Variants in NMNAT2 observed in about 807,000 individuals in gnomAD.
NMNAT2 encodes the protein nicotinamide nucleotide adenylyltransferase 2, also known as nicotinamide/nicotinic acid mononucleotide adenylyltransferase 2.
In NMNAT2, 11 loss-of-function variants were observed where a neutral mutation model predicts 41.6. The ratio of observed to expected loss-of-function variants is 0.26; its 90% CI spans 0.17 to 0.44. The LOEUF is 0.44. Ranked by LOEUF, NMNAT2 falls within the 20% of genes least tolerant of loss-of-function variation. The pLI, the probability that NMNAT2 is intolerant of heterozygous loss-of-function variation, is 1.00. For missense variants in NMNAT2, 288 were observed against 407.7 expected (o/e 0.71, Z 2.53); for synonymous variants, 148 against 151.2 (o/e 0.98, Z 0.16).
chr1:183,285,761 C>T (rs1479384160), intron 5 of NMNAT2, among the ~76,000 whole-genome samples: 1 of 152,138 alleles, frequency 6.6e-6, no homozygotes, highest in African/African-American at 2.4e-5. Flanking sequence ...TTCTCTGAAT[C>T]TGTATTCTAT....
intron 1 of NMNAT2, among the ~76,000 whole-genome samples, chr1:183,397,688 C>T (rs1407244093): frequency 4.6e-5 from 7 of 152,166 alleles, no homozygotes; most frequent in Non-Finnish European, 1.0e-4. Flanking sequence ...CAAAGGGAAG[C>T]CTATCAGACT....
chr1:183,355,427 G>A (rs757761658), intron 1 of NMNAT2, among the ~76,000 whole-genome samples: 4 of 152,212 alleles, frequency 2.6e-5, no homozygotes, highest in Non-Finnish European at 4.4e-5. Flanking sequence ...ATCAGAGACC[G>A]AGGGTGGGAC....
At chr1:183,416,771 C>T (rs1209379901) in intron 1 of NMNAT2, among the ~76,000 whole-genome samples, 2 of 152,176 alleles carry the variant, frequency 1.3e-5, no homozygotes, top group Non-Finnish European at 2.9e-5. Flanking sequence ...TTCAGCGCAC[C>T]TTTTAAGTTT....
chr1:183,373,721 G>T (rs1022815827), intron 1 of NMNAT2, among the ~76,000 whole-genome samples: 3 of 151,620 alleles, frequency 2.0e-5, no homozygotes, highest in African/African-American at 7.3e-5. Context: ...GGGTTCAAGT[G>T]ATTCTCCTCT....
chr1:183,399,606 A>T (rs1412351009), intron 1 of NMNAT2, among the ~76,000 whole-genome samples: 1 of 151,844 alleles, frequency 6.6e-6, no homozygotes, highest in Non-Finnish European at 1.5e-5. Flanking sequence ...GAGACACAAT[A>T]AAAAAAAGAG....
chr1:183,379,276 G>T lies in NMNAT2; in HGVS notation c.85+38907C>A, dbSNP rs10911322. Among the ~76,000 whole-genome samples the T allele has an allele frequency of 1.1e-4, 16 of 152,078 alleles. No individual in the cohort carries two copies. The East Asian group carries it at 2.9e-3, about 28-fold the overall frequency. The stretch of plus-strand genomic sequence containing the variant: ...GCTTATTGCAGCCTCAACCTCCTGG[G>T]CTAAAGCAATCCTCCTGCCTGAGCC... On this transcript the variant is annotated intron_variant, in intron 1 of 10. Coordinates refer to ENST00000287713, the MANE Select transcript of NMNAT2 (RefSeq NM_015039.4).
At chr1:183,269,874 A>G (rs1055750835) in intron 8 of NMNAT2, among the ~76,000 whole-genome samples, 19 of 152,066 alleles carry the variant, frequency 1.2e-4, no homozygotes, top group Admixed American at 7.2e-4. Flanking sequence ...CTCATATTGT[A>G]GTGACTTGAA....
chr1:183,302,277 A>C (rs1334549702), intron 1 of NMNAT2, among the ~76,000 whole-genome samples: 3 of 152,188 alleles, frequency 2.0e-5, no homozygotes, highest in Non-Finnish European at 4.4e-5. Context: ...GATGCGGGCC[A>C]CAGCATATAC....
intron 6 of NMNAT2, 86 bp from the exon 7 acceptor site, chr1:183,284,125 A>C: frequency 2.7e-6 from 2 of 728,124 alleles, no homozygotes; most frequent in Non-Finnish European, 2.2e-6. Context: ...CTCAGCAGGA[A>C]TTATTGGGAT....
chr1:183,302,913 G>A (rs6673931), intron 1 of NMNAT2, among the ~76,000 whole-genome samples: 4,800 of 152,166 alleles, frequency 0.032, 182 homozygotes, highest in African/African-American at 0.087. Context: ...GGCCCCCTAT[G>A]ACTCAGTGTG....
chr1:183,263,546 C>T (rs907953370), intron 8 of NMNAT2, among the ~76,000 whole-genome samples: 1 of 152,200 alleles, frequency 6.6e-6, no homozygotes, highest in Non-Finnish European at 1.5e-5. Flanking sequence ...GGGCCAGGCG[C>T]AGTGGCTCAC....
At chr1:183,256,039 C>G (rs193058278) in intron 10 of NMNAT2, among the ~76,000 whole-genome samples, 54 of 151,830 alleles carry the variant, frequency 3.6e-4, no homozygotes, top group Admixed American at 2.9e-3. Context: ...TGCTTTATAT[C>G]AGGTCTTAGA....
At chr1:183,391,180 T>A (rs1031257230) in intron 1 of NMNAT2, among the ~76,000 whole-genome samples, 9 of 152,112 alleles carry the variant, frequency 5.9e-5, no homozygotes, top group African/African-American at 2.2e-4. Context: ...TCTCTTCAAA[T>A]CCCATTGCTT....
chr1:183,402,999 T>G (rs550450809), intron 1 of NMNAT2, among the ~76,000 whole-genome samples: 1 of 151,516 alleles, frequency 6.6e-6, no homozygotes, highest in Non-Finnish European at 1.5e-5. Context: ...AAGGACGTGA[T>G]CTCGGCTCAC....
intron 7 of NMNAT2, chr1:183,283,116 C>A (rs1279377297): frequency 6.6e-6 from 1 of 152,216 alleles, no homozygotes; most frequent in African/African-American, 2.4e-5. Context: ...AGGACAAACC[C>A]TGCCTCTCAG....
At chr1:183,255,513 A>G (rs1660492588) in intron 10 of NMNAT2, among the ~76,000 whole-genome samples, 1 of 152,172 alleles carries the variant, frequency 6.6e-6, no homozygotes, top group Non-Finnish European at 1.5e-5. Context: ...TTTAGGTAGC[A>G]TGGACATTTT....
rs192534364 is a variant in NMNAT2 at position 183,363,398 on chromosome 1, C to T, written c.85+54785G>A. Among the ~76,000 whole-genome samples, 59 of 152,312 alleles carry T rather than the reference C, an allele frequency of 3.9e-4. 2 individuals carry two copies. The East Asian group carries it at 0.011, about 27-fold the overall frequency. On this transcript the variant is annotated intron_variant, in intron 1 of 10. Coordinates refer to ENST00000287713, the MANE Select transcript of NMNAT2 (RefSeq NM_015039.4). The stretch of plus-strand genomic sequence containing the variant: ...CACAGTTTGGGGCACCCAATAGACA[C>T]TTGACATTTTGTTAGACCCTCTCAT...
chr1:183,329,436 G>A (rs1210486245), intron 1 of NMNAT2, among the ~76,000 whole-genome samples: 1 of 152,142 alleles, frequency 6.6e-6, no homozygotes, highest in African/African-American at 2.4e-5. Flanking sequence ...ATTCCTCCAA[G>A]TCATTCAGGA....
intron 8 of NMNAT2, among the ~76,000 whole-genome samples, chr1:183,263,492 T>C (rs990069884): frequency 6.6e-6 from 1 of 152,128 alleles, no homozygotes; most frequent in Admixed American, 6.5e-5. Context: ...TTTAAACATT[T>C]CCAAAGCCCC....
Sources: gnomAD v4.1 joint callset for allele counts (sites outside exome capture counted in the v4.1 genomes callset) on GRCh38, gnomAD v4.1.1 for gene constraint, MANE v1.5 for transcripts, NCBI Gene and HGNC (gene_info 2026-07-23, HGNC 2026-07-21) for gene names.